The following KIAA2012 variants were observed in gnomAD, a reference collection of about 807,000 sequenced individuals.
The protein encoded by KIAA2012 is KIAA2012, also known as uncharacterized protein KIAA2012.
A neutral mutation model predicts 150.6 loss-of-function variants in KIAA2012; 125 were observed. That is an observed-to-expected ratio of 0.83 (90% CI 0.72 to 0.96). The LOEUF is 0.96. Among genes scored for constraint, KIAA2012 ranks in the 40% least tolerant of loss-of-function variants. KIAA2012 has a pLI of 0.00. For missense variants in KIAA2012, 1,219 were observed against 1,354.9 expected (o/e 0.90, Z 1.57); for synonymous variants, 462 against 504.7 (o/e 0.92, Z 1.13).
intron 22 of KIAA2012, among the ~76,000 whole-genome samples, chr2:202,200,025 G>A (rs1156393737): frequency 5.2e-5 from 7 of 134,408 alleles, no homozygotes; most frequent in African/African-American, 1.1e-4. Flanking sequence ...CTGCCTCCCC[G>A]GTTCAAGCGA....
intron 11 of KIAA2012, among the ~76,000 whole-genome samples, chr2:202,119,545 C>T (rs183719257): frequency 4.6e-5 from 7 of 152,188 alleles, no homozygotes; most frequent in East Asian, 1.9e-4. Context: ...CTGAGGATAC[C>T]AGTAAATAAA....
chr2:202,081,610 C>T (rs144746415), intron 2 of KIAA2012, among the ~76,000 whole-genome samples: 4,522 of 149,210 alleles, frequency 0.03, 227 homozygotes, highest in African/African-American at 0.11. Context: ...TGCAATGGCG[C>T]GATCTCAGCT....
intron 7 of KIAA2012, among the ~76,000 whole-genome samples, chr2:202,101,531 A>G (rs1046633158): frequency 4.6e-5 from 7 of 152,218 alleles, no homozygotes; most frequent in African/African-American, 1.4e-4. Context: ...ACCCATGTAT[A>G]TGGTTTCACA....
intron 14 of KIAA2012, among the ~76,000 whole-genome samples, chr2:202,163,931 G>T (rs555459981): frequency 9.6e-4 from 146 of 152,000 alleles, no homozygotes; most frequent in African/African-American, 3.4e-3. Flanking sequence ...AAGCTAACAA[G>T]TGAGAAACAA....
intron 12 of KIAA2012, among the ~76,000 whole-genome samples, chr2:202,133,160 C>T (rs1213191704): frequency 7.5e-6 from 1 of 134,128 alleles, no homozygotes; most frequent in Non-Finnish European, 1.6e-5. Flanking sequence ...ATGGAGACCA[C>T]CACGTGAATG....
rs776450120 is a variant in KIAA2012, at chr2:202,188,213, G to C, written c.2438G>C (p.Gly813Ala). ...AAACCCAAGAAAGACAAAACCAAAGGACCCAAAAGCGAGAGAGAAGGAAAG... is the reference window on the plus strand; with the variant it reads ...AAACCCAAGAAAGACAAAACCAAAGCACCCAAAAGCGAGAGAGAAGGAAAG... ...KEKPKKDKTK[G>A]PKSEREGKVY... Residue 813 changes from glycine (G) to alanine (A), a missense_variant, in exon 18 of 24, where the codon GGA becomes GCA. Gly to Ala is a moderately conservative substitution (Grantham distance 60). Coordinates refer to ENST00000498697, the MANE Select transcript of KIAA2012 (RefSeq NM_001277372.4). 1.3e-6 allele frequency: 2 copies of C among 1,550,390 alleles called. No homozygotes were observed. The highest frequency in any genetic ancestry group is 1.7e-4 in the Middle Eastern group (1 of 6,012).
At chr2:202,131,183 A>G (rs1438828113) in intron 12 of KIAA2012, among the ~76,000 whole-genome samples, 4 of 152,154 alleles carry the variant, frequency 2.6e-5, no homozygotes, top group Admixed American at 1.3e-4. Context: ...CTTGTTGTCC[A>G]GGCTGAAGTG....
chr2:202,134,336 T>C (rs1182771369), intron 12 of KIAA2012, among the ~76,000 whole-genome samples: 1 of 151,464 alleles, frequency 6.6e-6, no homozygotes, highest in Non-Finnish European at 1.5e-5. Context: ...ACTGCCCTTG[T>C]AACCACTGGA....
chr2:202,121,209 G>T (rs1442010578), intron 11 of KIAA2012, among the ~76,000 whole-genome samples: 1 of 152,190 alleles, frequency 6.6e-6, no homozygotes, highest in African/African-American at 2.4e-5. Flanking sequence ...TAACTTTACG[G>T]AGCAGAGCCA....
At chr2:202,093,660 T>C (rs1481634139) in intron 4 of KIAA2012, among the ~76,000 whole-genome samples, 1 of 152,212 alleles carries the variant, frequency 6.6e-6, no homozygotes, top group African/African-American at 2.4e-5. Context: ...TGTATCGAAA[T>C]GGCTGTTCTC....
chr2:202,110,328 C>G (rs370502781), intron 10 of KIAA2012, among the ~76,000 whole-genome samples: 4 of 152,190 alleles, frequency 2.6e-5, no homozygotes, highest in East Asian at 1.9e-4. Context: ...AAGGAGGGGA[C>G]TAAGATGCTT....
At position 202,099,715 on chromosome 2, in the gene KIAA2012, G is replaced by A. The variant is rs747893606; in HGVS notation, c.931G>A (p.Asp311Asn). 7.7e-6 allele frequency: 12 copies of A among 1,550,488 alleles called. No homozygotes were observed. The highest frequency in any genetic ancestry group is 3.9e-5 in the Admixed American group (2 of 50,986). The change falls in exon 6 of 24, where the codon GAT becomes AAT. Residue 311 changes from aspartate (D) to asparagine (N), a missense_variant. Physicochemically the swap from Asp to Asn is conservative, Grantham distance 23 (BLOSUM62 1). Coordinates refer to ENST00000498697, the MANE Select transcript of KIAA2012 (RefSeq NM_001277372.4). ...GAAGGCCTTTGGGCATGGCCGCATC[G>A]ATCACTCTTGGCTCCCAAGTGACAA... is the stretch of plus-strand genomic sequence containing the variant. ...SRKAFGHGRI[D>N]HSWLPSDKSH...
At chr2:202,115,573 A>G (rs1690496141) in intron 11 of KIAA2012, 1 of 152,072 alleles carries the variant, frequency 6.6e-6, no homozygotes, top group Admixed American at 6.6e-5. Flanking sequence ...TTTTGTGATT[A>G]TTGTATGTAT....
chr2:202,076,576 T>G (rs1689327958), intron 2 of KIAA2012, among the ~76,000 whole-genome samples: 1 of 152,194 alleles, frequency 6.6e-6, no homozygotes, highest in African/African-American at 2.4e-5. Flanking sequence ...AAATATTATT[T>G]TATTTAATCC....
At chr2:202,096,590 C>T (rs910011245) in intron 4 of KIAA2012, among the ~76,000 whole-genome samples, 1 of 152,180 alleles carries the variant, frequency 6.6e-6, no homozygotes, top group Admixed American at 6.5e-5. Flanking sequence ...GAAAGTGAGG[C>T]TGGCTGGAGG....
At chr2:202,198,128 C>T (rs570322188) in intron 22 of KIAA2012, among the ~76,000 whole-genome samples, 17 of 136,342 alleles carry the variant, frequency 1.2e-4, no homozygotes, top group African/African-American at 3.6e-4. Flanking sequence ...GAGCTGAGAT[C>T]GTGCCATTGC....
intron 13 of KIAA2012, among the ~76,000 whole-genome samples, chr2:202,141,880 A>G (rs1334311318): frequency 6.6e-6 from 1 of 152,240 alleles, no homozygotes; most frequent in African/African-American, 2.4e-5. Context: ...TATTAAAATT[A>G]TAAATGAAAA....
At chr2:202,126,697 T>C (rs1472873105) in intron 12 of KIAA2012, among the ~76,000 whole-genome samples, 1 of 152,110 alleles carries the variant, frequency 6.6e-6, no homozygotes, top group East Asian at 1.9e-4. Context: ...ATGCCAAACA[T>C]CATGCTGAGT....
intron 10 of KIAA2012, among the ~76,000 whole-genome samples, chr2:202,110,937 C>T (rs1457869613): frequency 6.6e-6 from 1 of 152,174 alleles, no homozygotes; most frequent in African/African-American, 2.4e-5. Flanking sequence ...CCCTTCCTTC[C>T]CCGCAACATT....
Sources: allele counts gnomAD v4.1 joint callset (sites outside exome capture counted in the v4.1 genomes callset), GRCh38; gene constraint gnomAD v4.1.1; transcripts MANE v1.5; gene names NCBI Gene and HGNC (gene_info 2026-07-23, HGNC 2026-07-21).